The following TRAK1 variants were observed in gnomAD, a reference collection of about 807,000 sequenced individuals.
TRAK1 encodes trafficking kinesin-binding protein 1.
In TRAK1, 33 loss-of-function variants were observed where a neutral mutation model predicts 92.1. The ratio of observed to expected loss-of-function variants is 0.36; its 90% confidence interval spans 0.27 to 0.48. The LOEUF is 0.48. TRAK1 is among the 20% of genes least tolerant of loss of function. The pLI, the probability that TRAK1 is intolerant of heterozygous loss-of-function variation, is 0.99. For synonymous variants in TRAK1, 521 were observed against 517.3 expected, an observed-to-expected ratio of 1.01 and a Z score of -0.10; for missense variants, 1,123 against 1,257.9, an observed-to-expected ratio of 0.89 and a Z score of 1.62.
chr3:42,058,230 A>G (rs1559727907), intron 1 of TRAK1, among the ~76,000 whole-genome samples: 1 of 152,214 alleles, frequency 6.6e-6, no homozygotes, highest in Non-Finnish European at 1.5e-5. Context: ...ATTGACGAAG[A>G]CAAGGTTTGT....
At chr3:42,049,196 C>T (rs975580) in intron 1 of TRAK1, among the ~76,000 whole-genome samples, 35,747 of 152,130 alleles carry the variant, frequency 0.23, 4,957 homozygotes, top group Non-Finnish European at 0.31. Context: ...TATTCTGCTC[C>T]CATGCTTGAC....
chr3:42,073,306 C>T (rs370094656), intron 1 of TRAK1, among the ~76,000 whole-genome samples: 2 of 152,186 alleles, frequency 1.3e-5, no homozygotes, highest in African/African-American at 4.8e-5. Flanking sequence ...TTGCTGCTGT[C>T]GGCTCGTCTA....
intron 2 of TRAK1, among the ~76,000 whole-genome samples, chr3:42,167,786 A>G (rs1263251740): frequency 6.6e-6 from 1 of 152,214 alleles, no homozygotes; most frequent in Non-Finnish European, 1.5e-5. Flanking sequence ...AGGCTGAGGC[A>G]GGAGAATGGC....
chr3:42,206,638 C>T lies in TRAK1; in HGVS notation c.1745-3129C>T, dbSNP rs560723302. Among the ~76,000 whole-genome samples, 7 of 152,314 alleles carry T rather than the reference C, an allele frequency of 4.6e-5. No individual in the cohort carries two copies. The East Asian group carries it at 7.7e-4, about 17-fold the overall frequency. Reference sequence around the variant, plus strand: ...ATGTAGACCTCAGAAAAGTGTCTGGCGCTTAGTAAAAGCCCAGTAAAAGTT... The same window carrying T: ...ATGTAGACCTCAGAAAAGTGTCTGGTGCTTAGTAAAAGCCCAGTAAAAGTT... On this transcript the variant is annotated intron_variant, in intron 13 of 15. Transcript: ENST00000327628.
At chr3:42,034,798 G>A (rs934685073) in intron 1 of TRAK1, among the ~76,000 whole-genome samples, 1 of 151,784 alleles carries the variant, frequency 6.6e-6, no homozygotes, top group Non-Finnish European at 1.5e-5. Context: ...CTCCTGTTAG[G>A]TGAAGGAGGG....
chr3:42,146,167 G>A (rs1359489385), intron 2 of TRAK1: 4 of 355,140 alleles, frequency 1.1e-5, no homozygotes, highest in African/African-American at 6.6e-5. Context: ...ATCTCAACAA[G>A]GAGGAAAAAA....
At chr3:42,097,648 T>A (rs1048022155) in intron 1 of TRAK1, among the ~76,000 whole-genome samples, 3 of 152,246 alleles carry the variant, frequency 2.0e-5, no homozygotes, top group African/African-American at 7.2e-5. Context: ...TAATTACTAT[T>A]TATATCCTAT....
At chr3:42,205,792 T>C (rs1316257063) in intron 13 of TRAK1, among the ~76,000 whole-genome samples, 2 of 152,264 alleles carry the variant, frequency 1.3e-5, no homozygotes, top group East Asian at 3.8e-4. Flanking sequence ...TTGAAAATGT[T>C]TTAGCTGGAA....
intron 14 of TRAK1, chr3:42,218,460 T>TTGGGGG: frequency 8.0e-6 from 2 of 251,196 alleles, no homozygotes; most frequent in Non-Finnish European, 1.1e-5. Context: ...TGGGGTTGGG[T>TTGGGGG]GGGAGAATCA....
intron 2 of TRAK1, among the ~76,000 whole-genome samples, chr3:42,165,578 T>A (rs1008128765): frequency 1.3e-5 from 2 of 152,100 alleles, no homozygotes; most frequent in African/African-American, 4.8e-5. Flanking sequence ...TTGTGATGCG[T>A]CAGGCTTTTG....
chr3:42,121,825 T>G (rs1709919258), intron 1 of TRAK1, among the ~76,000 whole-genome samples: 1 of 147,068 alleles, frequency 6.8e-6, no homozygotes, highest in South Asian at 2.1e-4. Context: ...TATACAGTTG[T>G]TTTTTTTTTA....
chr3:42,126,781 A>T (rs1329414518), intron 2 of TRAK1, among the ~76,000 whole-genome samples: 1 of 152,224 alleles, frequency 6.6e-6, no homozygotes, highest in Non-Finnish European at 1.5e-5. Context: ...TTGTGAGATT[A>T]TTTGTAATAA....
At chr3:42,134,490 C>G (rs1352252419) in intron 2 of TRAK1, among the ~76,000 whole-genome samples, 2 of 151,384 alleles carry the variant, frequency 1.3e-5, no homozygotes, top group Non-Finnish European at 2.9e-5. Context: ...GTTGCCTCGG[C>G]TGTCTCACGC....
At chr3:42,210,403 T>TAAA (rs10717713) in intron 14 of TRAK1, 57 of 1,078,000 alleles carry the variant, frequency 5.3e-5, no homozygotes, top group East Asian at 1.9e-4. Flanking sequence ...GAAAGGCTGC[T>TAAA]AAAAAAAAAA....
chr3:42,176,681 G>A, intron 2 of TRAK1, 133 bp from the exon 3 acceptor site: 1 of 774,946 alleles, frequency 1.3e-6, no homozygotes, highest in Non-Finnish European at 2.3e-6. Context: ...TACATTGCGG[G>A]TTGAACCCAG....
upstream of TRAK1, chr3:42,086,973 T>C (rs1235174170): frequency 6.6e-6 from 1 of 152,232 alleles, no homozygotes; most frequent in Non-Finnish European, 1.5e-5. Context: ...TGGAGATGCC[T>C]TGACTTGAGA....
chr3:42,218,599 C>G (rs989819886), intron 14 of TRAK1: 2 of 985,172 alleles, frequency 2.0e-6, no homozygotes, highest in Admixed American at 6.2e-5. Flanking sequence ...CCCATAGACT[C>G]TGTTCCTTGT....
intron 1 of TRAK1, among the ~76,000 whole-genome samples, chr3:42,075,388 C>T (rs924850653): frequency 3.3e-5 from 5 of 149,422 alleles, no homozygotes; most frequent in African/African-American, 1.2e-4. Flanking sequence ...TACTATGTTG[C>T]CCAGGCTGGT....
rs1553719444 is a variant in TRAK1, at chr3:42,110,129, T to TATATATATATAA, written c.92-15288_92-15287insTATATATAAATA. ...ATATATATATATATATATATATATA[T>TATATATATATAA]ATAAACTTTGTGTGTGTTGCAAAAT... On this transcript the variant is annotated intron_variant, in intron 1 of 15. Transcript: ENST00000327628. Among the ~76,000 whole-genome samples the TATATATATATAA allele has an allele frequency of 5.4e-5, 7 of 128,500 alleles. 1 individual carries two copies. Among genetic ancestry groups the TATATATATATAA allele is most frequent in the African/African-American group, 2.0e-4 (7 of 34,518 alleles). 84.3% of individuals were successfully genotyped at this position (128,500 alleles called of 152,430 possible).
Sources: gnomAD v4.1 joint callset for allele counts (sites outside exome capture counted in the v4.1 genomes callset) on GRCh38, gnomAD v4.1.1 for gene constraint, MANE v1.5 for transcripts, NCBI Gene and HGNC (gene_info 2026-07-23, HGNC 2026-07-21) for gene names.